Variants in HAPLN3 observed in about 807,000 individuals in gnomAD.
The protein encoded by HAPLN3 is hyaluronan and proteoglycan link protein 3, also known as extracellular link domain containing, 1.
HAPLN3 carries 28 observed loss-of-function variants against 28.1 expected under a neutral mutation model. The ratio of observed to expected loss-of-function variants is 1.00; its 90% CI spans 0.74 to 1.37. The LOEUF (loss-of-function observed/expected upper bound fraction) is 1.37. Among genes scored for constraint, HAPLN3 ranks in the 40% most tolerant of loss-of-function variants. The probability of loss-of-function intolerance (pLI) is 0.00; values close to 1 mark genes in which losing one functional copy is unlikely to be tolerated. For missense variants in HAPLN3, 513 were observed against 504.6 expected (o/e 1.02, Z -0.16); for synonymous variants, 211 against 213.1 (o/e 0.99, Z 0.09).
In HAPLN3 at chr15:88,877,612, G is replaced by A; in HGVS notation, c.*358C>T. ...TTCTTCCCCCAGGCTGAGGGGCAGG[G>A]AGAACTGTGCCCACCATGCCCGGAC... On this transcript the variant is annotated 3_prime_UTR_variant, in exon 5 of 5. Coordinates refer to ENST00000359595, the MANE Select transcript of HAPLN3 (RefSeq NM_178232.4). This position sits in a 1 kb window ranked among gnomAD's most constrained non-coding sequence, Gnocchi z 5.1. 5.1e-6 allele frequency: 1 copy of A among 196,306 alleles called. No individual in the cohort carries two copies. The highest frequency in any genetic ancestry group is 1.0e-5 in the Non-Finnish European group (1 of 96,024). 12.2% of individuals were successfully genotyped at this position (196,306 alleles called of 1,614,324 possible).
rs188196360 is a variant in HAPLN3, at chr15:88,883,179, C to T, written c.125-1454G>A. 5.8e-4 allele frequency among the ~76,000 whole-genome samples: 89 copies of T among 152,312 alleles called. 1 individual carries two copies. The East Asian group carries it at 0.016, about 28-fold the overall frequency. On this transcript the variant is annotated intron_variant, in intron 2 of 4. Coordinates refer to ENST00000359595, the MANE Select transcript of HAPLN3 (RefSeq NM_178232.4). ...GAAGTCTCCAAGTGTGGCCCTCGGG[C>T]CAGCAGCATTAGCATCACCAGGAAT...
rs1273174539 is a variant in HAPLN3 at position 88,887,208 on chromosome 15, T to C, written c.91A>G (p.Asn31Asp). ...TGACCGTTGCCTAGGTTCTGGTCGT[T>C]GGCGCTGTTGGAGTAGTAGAAGCCG... ...YNGFYYSNSANDQNLGNGHGK... is the reference protein window; with the variant it reads ...YNGFYYSNSADDQNLGNGHGK... Residue 31 changes from asparagine to aspartate, a missense_variant, in exon 2 of 5, where the codon AAC becomes GAC. Transcript: ENST00000359595. 2 of 1,613,966 alleles carry C rather than the reference T, an allele frequency of 1.2e-6. No homozygotes were observed. Among genetic ancestry groups the C allele is most frequent in the Admixed American group, 3.3e-5 (2 of 60,006 alleles).
rs1897626325 is a variant in HAPLN3 at position 88,879,209 on chromosome 15, T to C, written c.554A>G (p.Gln185Arg). Reference sequence around the variant, plus strand: ...CGCAGCCTGCTCTGCACAGACCTGCTGGCCCTCGTGGAAGTTGAACTGGTA... The same window carrying C: ...CGCAGCCTGCTCTGCACAGACCTGCCGGCCCTCGTGGAAGTTGAACTGGTA... Reference protein sequence around the residue: ...GRYQFNFHEGQQVCAEQAAVV... With the variant: ...GRYQFNFHEGRQVCAEQAAVV... The change falls in exon 4 of 5, where the codon CAG (glutamine) becomes CGG (arginine). Residue 185 changes from glutamine to arginine, a missense_variant. Transcript: ENST00000359595. The surrounding 1 kb of genome is among the most constrained non-coding windows in gnomAD (Gnocchi z 5.0). The C allele has an allele frequency of 5.0e-6, 8 of 1,612,374 alleles. No homozygotes were observed. The highest frequency in any genetic ancestry group is 6.8e-6 in the Non-Finnish European group (8 of 1,179,188).
chr15:88,884,961 C>T (rs549315011), intron 2 of HAPLN3, among the ~76,000 whole-genome samples: 94 of 152,322 alleles, frequency 6.2e-4, no homozygotes, highest in African/African-American at 2.0e-3. Context: ...ATCCGCACCT[C>T]GATTTCTGCA....
At position 88,881,505 on chromosome 15, in the gene HAPLN3, G is replaced by C; in HGVS notation, c.345C>G (p.Tyr115Ter). 6.2e-7 allele frequency: 1 copy of C among 1,614,108 alleles called. No individual in the cohort carries two copies. The highest frequency in any genetic ancestry group is 1.1e-5 in the South Asian group (1 of 91,088). The change falls in exon 3 of 5, where the codon TAC becomes TAG. Residue 115 changes from tyrosine (Y) to a stop codon, truncating the protein, a stop_gained. Transcript: ENST00000359595. LOFTEE classifies it high-confidence loss of function. The surrounding 1 kb of genome is among the most constrained non-coding windows in gnomAD (Gnocchi z 6.0). ...CCTGCCGCAGGTGCACGCGGCCTTG[G>C]TAGTCCCCAAAGGAGCGGTGCCTCA... ...IGLRHRSFGD[Y>*]QGRVHLRQDK... is the part of the protein sequence containing the mutation.
At chr15:88,892,401 G>A (rs1275413297) in intron 1 of HAPLN3, among the ~76,000 whole-genome samples, 2 of 150,848 alleles carry the variant, frequency 1.3e-5, no homozygotes, top group Non-Finnish European at 3.0e-5. Flanking sequence ...AGGTTGCAGT[G>A]AGCCGAGATC....
chr15:88,891,336 G>A (rs143926492), intron 1 of HAPLN3, among the ~76,000 whole-genome samples: 3,946 of 152,054 alleles, frequency 0.026, 170 homozygotes, highest in African/African-American at 0.087. Flanking sequence ...TCACTCTGTC[G>A]CCCAGGCTGG....
chr15:88,893,350 G>A (rs111754791), intron 1 of HAPLN3, among the ~76,000 whole-genome samples: 3,246 of 151,918 alleles, frequency 0.021, 108 homozygotes, highest in East Asian at 0.14. Flanking sequence ...CCCAGGAGGC[G>A]GAAGTTGCAG....
chr15:88,878,182 CA>C lies in HAPLN3; in HGVS notation c.870del (p.Asp290GlufsTer101), dbSNP rs749308963. The C allele has an allele frequency of 1.2e-5, 20 of 1,614,188 alleles. No individual in the cohort carries two copies. The East Asian group carries it at 4.5e-4, about 36-fold the overall frequency. On this transcript the variant is annotated frameshift_variant, in exon 5 of 5. Coordinates refer to ENST00000359595, the MANE Select transcript of HAPLN3 (RefSeq NM_178232.4). LOFTEE classifies it low-confidence loss of function (END_TRUNC). ...TEAREACQED[D>X]ATIAKVGQLF... The stretch of plus-strand genomic sequence containing the variant: ...AGCTGTCCCACCTTGGCGATCGTGG[CA>C]TCATCTTCCTGGCAGGCCTCCCTTG...
chr15:88,893,929 A>G (rs1215894874), intron 1 of HAPLN3, among the ~76,000 whole-genome samples: 3 of 35,602 alleles, frequency 8.4e-5, no homozygotes, highest in African/African-American at 5.2e-4. Context: ...ACTCCATCTC[A>G]AAAAAAAAAA....
At chr15:88,893,958 G>T (rs1035279489) in intron 1 of HAPLN3, among the ~76,000 whole-genome samples, 11 of 149,310 alleles carry the variant, frequency 7.4e-5, no homozygotes, top group South Asian at 2.2e-4. Context: ...GGGTGGGGGG[G>T]GCGGTCACGA....
rs889975499 is a variant in HAPLN3, at chr15:88,879,292, C to T, written c.494-23G>A. Reference sequence around the variant, plus strand: ...CACCTGCAGGGGAAGGAAAGAGGAGCTTAGGGGGTGGCCAGGGGCCCAGCT... The same window carrying T: ...CACCTGCAGGGGAAGGAAAGAGGAGTTTAGGGGGTGGCCAGGGGCCCAGCT... On this transcript the variant is annotated intron_variant, in intron 3 of 4. Transcript: ENST00000359595. The surrounding 1 kb of genome is among the most constrained non-coding windows in gnomAD (Gnocchi z 5.0). The T allele has an allele frequency of 4.4e-6, 7 of 1,605,052 alleles. No homozygotes were observed. Among genetic ancestry groups the T allele is most frequent in the Non-Finnish European group, 5.9e-6 (7 of 1,177,440 alleles).
intron 1 of HAPLN3, among the ~76,000 whole-genome samples, 171 bp from the exon 2 acceptor site, chr15:88,887,516 T>C (rs1897897500): frequency 1.3e-5 from 2 of 152,198 alleles, no homozygotes; most frequent in Admixed American, 1.3e-4. Context: ...ACAAGCTAGA[T>C]GGGGTTCCTG....
intron 1 of HAPLN3, among the ~76,000 whole-genome samples, chr15:88,891,358 A>G (rs112840709): frequency 0.18 from 26,810 of 151,756 alleles, 3,282 homozygotes; most frequent in African/African-American, 0.34. Flanking sequence ...GTGCAGTGGT[A>G]AGATCTCGGC....
intron 1 of HAPLN3, among the ~76,000 whole-genome samples, chr15:88,893,383 A>C (rs1898065647): frequency 6.6e-6 from 1 of 151,322 alleles, no homozygotes. Flanking sequence ...ACACCACTGC[A>C]CTCCAGACTG....
intron 1 of HAPLN3, among the ~76,000 whole-genome samples, chr15:88,889,679 A>G (rs1308876652): frequency 6.6e-6 from 1 of 152,220 alleles, no homozygotes; most frequent in Non-Finnish European, 1.5e-5. Context: ...GGCTTTAAGC[A>G]GAGAAGTCAC....
In HAPLN3 at chr15:88,881,145, C is replaced by T. The variant is rs1897684626; in HGVS notation, c.493+212G>A. ...GTTCAGACCCCAGCTCTGTCGTTTA[C>T]AAGCTGTGTGACCTTAGGTAAGTTA... On this transcript the variant is annotated intron_variant, in intron 3 of 4. Transcript: ENST00000359595. The surrounding 1 kb of genome is among the most constrained non-coding windows in gnomAD (Gnocchi z 6.0). The T allele has an allele frequency of 4.8e-6, 3 of 619,242 alleles. No homozygotes were observed. Among genetic ancestry groups the T allele is most frequent in the South Asian group, 2.1e-5 (1 of 47,084 alleles). The allele number at this position is 619,242 out of a possible 1,614,324, so 38.4% of individuals were successfully genotyped here.
chr15:88,889,343 GT>G (rs112364208), intron 1 of HAPLN3, among the ~76,000 whole-genome samples: 2 of 151,048 alleles, frequency 1.3e-5, no homozygotes, highest in Admixed American at 1.3e-4. Context: ...ATCCTGTTTT[GT>G]TTTTTTTTAA....
chr15:88,878,722 T>C (rs1897605394), intron 4 of HAPLN3, among the ~76,000 whole-genome samples: 1 of 152,242 alleles, frequency 6.6e-6, no homozygotes, highest in Non-Finnish European at 1.5e-5. Flanking sequence ...CCCCAGCATA[T>C]GGTAGGCACT....
Sources: gnomAD v4.1 joint callset for allele counts (sites outside exome capture counted in the v4.1 genomes callset) on GRCh38, gnomAD v4.1.1 for gene constraint, Gnocchi (gnomAD v3.1) non-coding constraint, MANE v1.5 for transcripts, NCBI Gene and HGNC (gene_info 2026-07-23, HGNC 2026-07-21) for gene names.